ELK3: variants seen among roughly 807,000 people sequenced by gnomAD.
ELK3 encodes ETS domain-containing protein Elk-3.
In ELK3, 10 loss-of-function variants were observed where a neutral mutation model predicts 28.9. That is an observed-to-expected ratio of 0.35 (90% CI 0.21 to 0.59). The LOEUF (loss-of-function observed/expected upper bound fraction) is 0.59. ELK3 is among the 20% of genes least tolerant of loss of function. The pLI is 0.82. For missense variants in ELK3, 463 were observed against 517.3 expected, an observed-to-expected ratio of 0.90 and a Z score of 1.02; for synonymous variants, 272 against 243.5, an observed-to-expected ratio of 1.12 and a Z score of -1.09.
chr12:96,208,862 A>T (rs1015448960), intron 1 of ELK3, among the ~76,000 whole-genome samples: 1 of 152,228 alleles, frequency 6.6e-6, no homozygotes, highest in African/African-American at 2.4e-5. Context: ...GGCCAGGTGC[A>T]GCTGGGCCAG....
intron 1 of ELK3, among the ~76,000 whole-genome samples, chr12:96,198,387 G>A (rs756382919): frequency 1.3e-5 from 2 of 152,164 alleles, no homozygotes; most frequent in South Asian, 4.1e-4. Flanking sequence ...AAAGAAATGG[G>A]CTGTCTGTCC....
intron 1 of ELK3, among the ~76,000 whole-genome samples, chr12:96,214,358 G>A (rs1951595819): frequency 1.3e-5 from 2 of 151,058 alleles, no homozygotes; most frequent in Admixed American, 6.6e-5. Context: ...TTGAACCTGG[G>A]AGGCGGAGCT....
At chr12:96,228,982 T>G (rs1480357620) in intron 2 of ELK3, among the ~76,000 whole-genome samples, 1 of 152,248 alleles carries the variant, frequency 6.6e-6, no homozygotes, top group Admixed American at 6.5e-5. Flanking sequence ...TTATGTGTAT[T>G]TATAAAACTG....
At position 96,247,005 on chromosome 12, in the gene ELK3, G is replaced by C. The variant is rs760242678; in HGVS notation, c.273G>C (p.Leu91=). 121 of 1,613,818 alleles carry C rather than the reference G, an allele frequency of 7.5e-5. 1 individual carries two copies. Among genetic ancestry groups the C allele is most frequent in the Admixed American group, 5.0e-4 (30 of 59,992 alleles). The change falls in exon 3 of 5, where the codon CTG becomes CTC. Residue 91 remains leucine, a synonymous_variant. Coordinates refer to ENST00000228741, the MANE Select transcript of ELK3 (RefSeq NM_005230.4). The surrounding 1 kb of genome is among the most constrained non-coding windows in gnomAD (Gnocchi z 5.5). ...VYKFVSFPEI[L]KMDPHAVEIS... ...AGTTTGTCTCTTTCCCGGAGATCCT[G>C]AAGATGGATCCTCACGCGGTGGAGA... is the stretch of plus-strand genomic sequence containing the variant.
rs531415290 is a variant in ELK3 at position 96,269,487 on chromosome 12, A to C, written c.*2307A>C. On this transcript the variant is annotated 3_prime_UTR_variant, in exon 5 of 5. Transcript: ENST00000228741. ...AATGCAAAAATACTACAATTTTTTG[A>C]TGGATGAAAATACTCCTGTAACACA... 19 of 152,322 alleles carry C rather than the reference A, an allele frequency of 1.2e-4. No individual in the cohort carries two copies. Among genetic ancestry groups the C allele is most frequent in the African/African-American group, 4.3e-4 (18 of 41,580 alleles). 9.4% of individuals were successfully genotyped at this position (152,322 alleles called of 1,614,324 possible).
intron 1 of ELK3, among the ~76,000 whole-genome samples, chr12:96,211,468 T>C (rs920982216): frequency 3.2e-5 from 2 of 63,204 alleles, no homozygotes; most frequent in African/African-American, 6.7e-5. Context: ...GAAACTGCCC[T>C]GGGGATGTCA....
At chr12:96,220,420 T>C (rs894511532) in intron 1 of ELK3, among the ~76,000 whole-genome samples, 1 of 140,242 alleles carries the variant, frequency 7.1e-6, no homozygotes, top group Non-Finnish European at 1.5e-5. Flanking sequence ...GGAGTTTCGC[T>C]CTTGTTGTCC....
intron 1 of ELK3, among the ~76,000 whole-genome samples, chr12:96,217,516 G>C (rs980318479): frequency 6.6e-6 from 1 of 152,026 alleles, no homozygotes; most frequent in African/African-American, 2.4e-5. Context: ...ATGCTTTTTT[G>C]AACTCATTAT....
chr12:96,196,747 GTTTTTT>G (rs56206854), intron 1 of ELK3, among the ~76,000 whole-genome samples: 21 of 137,244 alleles, frequency 1.5e-4, no homozygotes, highest in African/African-American at 3.2e-4. Context: ...CTCTAAAAGT[GTTTTTT>G]TTTTTTTTTT....
At chr12:96,216,533 C>CTG (rs1951620061) in intron 1 of ELK3, among the ~76,000 whole-genome samples, 1 of 152,320 alleles carries the variant, frequency 6.6e-6, no homozygotes, top group South Asian at 2.1e-4. Flanking sequence ...ATTTCAGTGC[C>CTG]TGTGTGGGGC....
At chr12:96,225,190 G>A (rs1030967790) in intron 2 of ELK3, among the ~76,000 whole-genome samples, 6 of 152,196 alleles carry the variant, frequency 3.9e-5, no homozygotes, top group Non-Finnish European at 5.9e-5. Flanking sequence ...AAACACTCCC[G>A]TTGCCTGCTG....
chr12:96,212,109 G>C (rs142772814), intron 1 of ELK3, among the ~76,000 whole-genome samples: 4 of 152,322 alleles, frequency 2.6e-5, no homozygotes, highest in African/African-American at 4.8e-5. Context: ...TAAAACACAA[G>C]ACAAAATGAA....
chr12:96,216,361 T>G (rs566879044), intron 1 of ELK3, among the ~76,000 whole-genome samples: 13 of 152,322 alleles, frequency 8.5e-5, no homozygotes, highest in South Asian at 2.1e-4. Flanking sequence ...AAACCAGTGT[T>G]TGTTAAGCTG....
At chr12:96,236,278 T>C (rs1281951828) in intron 2 of ELK3, among the ~76,000 whole-genome samples, 4 of 152,120 alleles carry the variant, frequency 2.6e-5, no homozygotes, top group Non-Finnish European at 5.9e-5. Flanking sequence ...GCTGCGAACG[T>C]CCAGTCGAAT....
intron 1 of ELK3, among the ~76,000 whole-genome samples, chr12:96,211,107 G>T (rs780741605): frequency 3.3e-5 from 5 of 152,178 alleles, no homozygotes; most frequent in Non-Finnish European, 5.9e-5. Context: ...CCAACTGAGA[G>T]TATTAAATTT....
chr12:96,219,394 C>T lies in ELK3; in HGVS notation c.-2-4171C>T, dbSNP rs529032558. Reference sequence around the variant, plus strand: ...TGTTAGCGGTTATTGGAAGGGCGTACCTCCCAGCATGATGGTACAAAGTCT... The same window carrying T: ...TGTTAGCGGTTATTGGAAGGGCGTATCTCCCAGCATGATGGTACAAAGTCT... On this transcript the variant is annotated intron_variant, in intron 1 of 4. Coordinates refer to ENST00000228741, the MANE Select transcript of ELK3 (RefSeq NM_005230.4). Among the ~76,000 whole-genome samples, 3 of 152,210 alleles carry T rather than the reference C, an allele frequency of 2.0e-5. No individual in the cohort carries two copies. The East Asian group carries it at 5.8e-4, about 29-fold the overall frequency.
At chr12:96,226,156 A>G (rs1371430180) in intron 2 of ELK3, among the ~76,000 whole-genome samples, 2 of 152,078 alleles carry the variant, frequency 1.3e-5, no homozygotes, top group African/African-American at 4.8e-5. Context: ...AAAAGGAAAG[A>G]AACAAATTCA....
In ELK3 at chr12:96,267,345, T is replaced by G. The variant is rs925793826; in HGVS notation, c.*165T>G. On this transcript the variant is annotated 3_prime_UTR_variant, in exon 5 of 5. Transcript: ENST00000228741. ...ATTTATGTTAGCATTTTAAAAACTG[T>G]TTTTGATATATTCAAGTATATATGA... The G allele has an allele frequency of 7.1e-6, 4 of 560,702 alleles. No homozygotes were observed. Among genetic ancestry groups the G allele is most frequent in the Middle Eastern group, 2.8e-4 (1 of 3,524 alleles). The allele number at this position is 560,702 out of a possible 1,614,324, so 34.7% of individuals were successfully genotyped here. A position where few individuals can be genotyped will look rare whatever the true frequency, so the allele number is the denominator to read the frequency against.
chr12:96,211,220 G>T (rs899487893), intron 1 of ELK3, among the ~76,000 whole-genome samples: 2 of 152,180 alleles, frequency 1.3e-5, no homozygotes, highest in African/African-American at 2.4e-5. Flanking sequence ...TAAAGTAATG[G>T]ATTTCTTTAG....
Sources: allele counts gnomAD v4.1 joint callset (sites outside exome capture counted in the v4.1 genomes callset), GRCh38; gene constraint gnomAD v4.1.1; non-coding constraint Gnocchi (gnomAD v3.1); transcripts MANE v1.5; gene names NCBI Gene and HGNC (gene_info 2026-07-23, HGNC 2026-07-21).